The following GPC5 variants were observed in gnomAD, a reference collection of about 807,000 sequenced individuals.
GPC5 encodes the protein glypican 5.
Under a neutral mutation model 53.9 loss-of-function variants are expected in GPC5, and 47 were observed. The ratio of observed to expected loss-of-function variants is 0.87; its 90% CI spans 0.69 to 1.11. The LOEUF (loss-of-function observed/expected upper bound fraction) is 1.11, where lower values mean the gene tolerates loss of function less well. Among genes scored for constraint, GPC5 ranks in the 50% most tolerant of loss-of-function variants. The pLI is 0.00. For synonymous variants in GPC5, 286 were observed against 263.3 expected (o/e 1.09, Z -0.84); for missense variants, 748 against 713.1 (o/e 1.05, Z -0.56).
chr13:91,466,708 G>A (rs1422752062), intron 2 of GPC5, among the ~76,000 whole-genome samples: 3 of 152,038 alleles, frequency 2.0e-5, no homozygotes, highest in African/African-American at 7.2e-5. Context: ...CAGAGGACTA[G>A]GTAACTGGTG....
chr13:92,565,687 C>T (rs1468671745), intron 7 of GPC5, among the ~76,000 whole-genome samples: 1 of 152,026 alleles, frequency 6.6e-6, no homozygotes, highest in African/African-American at 2.4e-5. Context: ...TATGTATCTA[C>T]ATTTTATTTC....
chr13:91,498,837 G>T (rs1884455023), intron 2 of GPC5, among the ~76,000 whole-genome samples: 1 of 152,042 alleles, frequency 6.6e-6, no homozygotes, highest in Non-Finnish European at 1.5e-5. Flanking sequence ...TGGGCGTGGT[G>T]GTGCCTGCCT....
intron 7 of GPC5, among the ~76,000 whole-genome samples, chr13:92,293,422 CTTTTTTTTTTT>C (rs748125673): frequency 9.1e-5 from 7 of 77,272 alleles, no homozygotes; most frequent in Non-Finnish European, 1.7e-4. Flanking sequence ...TGGTTGGTTT[CTTTTTTTTTTT>C]TTTTTTTTTT....
intron 7 of GPC5, among the ~76,000 whole-genome samples, chr13:92,513,269 T>C (rs757378487): frequency 6.6e-6 from 1 of 152,154 alleles, no homozygotes. Flanking sequence ...TCATTGACAG[T>C]GTGCTTAGGG....
chr13:91,724,314 G>T (rs1201744947), intron 3 of GPC5, among the ~76,000 whole-genome samples: 2 of 151,988 alleles, frequency 1.3e-5, no homozygotes, highest in Non-Finnish European at 2.9e-5. Context: ...CCGCCTCTCT[G>T]TTAACACCAA....
intron 2 of GPC5, among the ~76,000 whole-genome samples, chr13:91,672,954 C>T (rs1347673581): frequency 6.6e-6 from 1 of 152,108 alleles, no homozygotes; most frequent in African/African-American, 2.4e-5. Context: ...AAGCTGGAAG[C>T]CATCATCCTC....
intron 7 of GPC5, among the ~76,000 whole-genome samples, chr13:92,402,349 C>CT (rs1354413951): frequency 1.3e-5 from 2 of 152,090 alleles, no homozygotes; most frequent in African/African-American, 4.8e-5. Context: ...GACATAGAAC[C>CT]TTTTTTTCTC....
chr13:91,796,340 A>G (rs1847716), intron 5 of GPC5, among the ~76,000 whole-genome samples: 54,657 of 152,012 alleles, frequency 0.36, 11,138 homozygotes, highest in African/African-American at 0.56. Flanking sequence ...GAGGGTTGGA[A>G]GTCAAAATGG....
At chr13:91,804,475 T>C (rs1279631260) in intron 5 of GPC5, among the ~76,000 whole-genome samples, 6 of 152,182 alleles carry the variant, frequency 3.9e-5, no homozygotes, top group Non-Finnish European at 8.8e-5. Context: ...TAACACATAA[T>C]TTGGAAAAAT....
chr13:92,848,326 G>A (rs1878676961), intron 7 of GPC5, among the ~76,000 whole-genome samples: 1 of 152,026 alleles, frequency 6.6e-6, no homozygotes, highest in Admixed American at 6.6e-5. Flanking sequence ...TTGACCCCAG[G>A]TTCTTTCTAC....
At chr13:91,443,368 G>T (rs1880572486) in intron 1 of GPC5, among the ~76,000 whole-genome samples, 1 of 152,118 alleles carries the variant, frequency 6.6e-6, no homozygotes, top group South Asian at 2.1e-4. Flanking sequence ...GAGAGAAGAT[G>T]GTCAGATGCA....
At chr13:92,315,306 T>G (rs2043171728) in intron 7 of GPC5, among the ~76,000 whole-genome samples, 1 of 152,084 alleles carries the variant, frequency 6.6e-6, no homozygotes, top group African/African-American at 2.4e-5. Flanking sequence ...GAGATTCGGG[T>G]AGGATAAATT....
At chr13:92,828,501 T>C (rs1877929329) in intron 7 of GPC5, among the ~76,000 whole-genome samples, 1 of 152,150 alleles carries the variant, frequency 6.6e-6, no homozygotes, top group Non-Finnish European at 1.5e-5. Context: ...TGGCTGGCTA[T>C]ATTTCGCACT....
At chr13:92,128,209 T>A (rs1257735127) in intron 6 of GPC5, among the ~76,000 whole-genome samples, 3 of 152,194 alleles carry the variant, frequency 2.0e-5, no homozygotes, top group African/African-American at 7.2e-5. Flanking sequence ...CAGGGTTTGT[T>A]GTTCCTCCCT....
intron 7 of GPC5, among the ~76,000 whole-genome samples, chr13:92,234,266 G>A (rs555007991): frequency 6.6e-6 from 1 of 152,140 alleles, no homozygotes; most frequent in Non-Finnish European, 1.5e-5. Flanking sequence ...CTAGTTTACA[G>A]TCCCACCAAC....
intron 2 of GPC5, among the ~76,000 whole-genome samples, chr13:91,564,033 C>G (rs563357355): frequency 8.5e-5 from 13 of 152,246 alleles, no homozygotes; most frequent in Non-Finnish European, 1.9e-4. Flanking sequence ...TTCAACAAAG[C>G]TGTCTTATTC....
intron 7 of GPC5, among the ~76,000 whole-genome samples, chr13:92,708,680 G>A (rs1297165391): frequency 6.6e-6 from 1 of 151,084 alleles, no homozygotes; most frequent in Non-Finnish European, 1.5e-5. Context: ...CGTAAGGTTG[G>A]GGAGAAGAGA....
chr13:91,687,269 A>G (rs1212763008), intron 2 of GPC5, among the ~76,000 whole-genome samples: 1 of 151,930 alleles, frequency 6.6e-6, no homozygotes, highest in East Asian at 1.9e-4. Context: ...CATTTTTCAC[A>G]TTTAATTTTA....
intron 7 of GPC5, among the ~76,000 whole-genome samples, chr13:92,343,877 T>G (rs921475384): frequency 1.1e-4 from 17 of 152,286 alleles, no homozygotes; most frequent in African/African-American, 3.4e-4. Context: ...TCAGGGCATA[T>G]CTTATTATCC....
Sources: allele counts gnomAD v4.1 joint callset (sites outside exome capture counted in the v4.1 genomes callset), GRCh38; gene constraint gnomAD v4.1.1; transcripts MANE v1.5; gene names NCBI Gene and HGNC (gene_info 2026-07-23, HGNC 2026-07-21).